Variants in BICC1 observed in about 807,000 individuals in gnomAD.
The protein encoded by BICC1 is BicC family RNA binding protein 1, also known as protein bicaudal C homolog 1.
In BICC1, 43 loss-of-function variants were observed where a neutral mutation model predicts 111.0. The observed-to-expected ratio is 0.39, with a 90% CI of 0.30 to 0.50. The LOEUF (loss-of-function observed/expected upper bound fraction) is 0.50, where lower values mean the gene tolerates loss of function less well. Among genes scored for constraint, BICC1 ranks in the 20% least tolerant of loss-of-function variants. The pLI is 0.88. For missense variants in BICC1, 1,091 were observed against 1,203.2 expected, an observed-to-expected ratio of 0.91 and a Z score of 1.38; for synonymous variants, 467 against 434.4, an observed-to-expected ratio of 1.07 and a Z score of -0.93.
chr10:58,664,547 T>C (rs1276372323), intron 2 of BICC1, among the ~76,000 whole-genome samples: 1 of 152,170 alleles, frequency 6.6e-6, no homozygotes, highest in Non-Finnish European at 1.5e-5. Flanking sequence ...AATTTCCCTT[T>C]CTATACAGAC....
chr10:58,756,558 A>C (rs949548471), intron 3 of BICC1, among the ~76,000 whole-genome samples: 3 of 149,274 alleles, frequency 2.0e-5, no homozygotes, highest in African/African-American at 5.0e-5. Context: ...TCCCACCCTA[A>C]GGGTTTTCCA....
chr10:58,572,035 AGT>A (rs1383535566), intron 1 of BICC1, among the ~76,000 whole-genome samples: 1 of 152,108 alleles, frequency 6.6e-6, no homozygotes, highest in African/African-American at 2.4e-5. Context: ...TGTTTTGACT[AGT>A]GTGAGATGAT....
intron 2 of BICC1, among the ~76,000 whole-genome samples, chr10:58,647,730 G>A (rs1838312777): frequency 6.6e-6 from 1 of 151,764 alleles, no homozygotes; most frequent in South Asian, 2.1e-4. Context: ...GAGCTACCCT[G>A]CACCATTGCA....
At chr10:58,529,785 A>C (rs1842634032) in intron 1 of BICC1, among the ~76,000 whole-genome samples, 1 of 151,876 alleles carries the variant, frequency 6.6e-6, no homozygotes, top group Non-Finnish European at 1.5e-5. Flanking sequence ...ACGTACACAG[A>C]AAGATCACCT....
chr10:58,513,666 T>G (rs1046692947), intron 1 of BICC1, among the ~76,000 whole-genome samples: 1 of 152,212 alleles, frequency 6.6e-6, no homozygotes, highest in South Asian at 2.1e-4. Context: ...GGCTGTGCCA[T>G]CCGGACCACT....
At chr10:58,514,746 C>G (rs1842196014) in intron 1 of BICC1, among the ~76,000 whole-genome samples, 1 of 152,020 alleles carries the variant, frequency 6.6e-6, no homozygotes, top group Non-Finnish European at 1.5e-5. Flanking sequence ...TCAAGTAAGA[C>G]CGTTATAAGA....
chr10:58,793,460 A>T, intron 8 of BICC1, 24 bp from the exon 9 acceptor site: 1 of 1,600,062 alleles, frequency 6.2e-7, no homozygotes, highest in Non-Finnish European at 8.5e-7. Flanking sequence ...TACCTCCTAC[A>T]CATTCTATTG....
chr10:58,533,382 C>G (rs943032976), intron 1 of BICC1, among the ~76,000 whole-genome samples: 1 of 151,798 alleles, frequency 6.6e-6, no homozygotes, highest in African/African-American at 2.4e-5. Flanking sequence ...GTTCCTAGGA[C>G]CCCCACTTTT....
intron 1 of BICC1, among the ~76,000 whole-genome samples, chr10:58,617,902 C>G (rs562068382): frequency 1.1e-3 from 171 of 152,366 alleles, no homozygotes; most frequent in Middle Eastern, 3.4e-3. Context: ...AAAAGCTTGG[C>G]TAAATGTACA....
rs963324033 is a variant in BICC1 at position 58,708,714 on chromosome 10, G to A, written c.307+6571G>A. Among the ~76,000 whole-genome samples the A allele has an allele frequency of 8.4e-3, 7 of 832 alleles. No homozygotes were observed. The Non-Finnish European group carries it at 0.15, about 17-fold the overall frequency. The allele number at this position is 832 out of a possible 152,430, so 0.5% of individuals were successfully genotyped here. A position where few individuals can be genotyped will look rare whatever the true frequency, so the allele number is the denominator to read the frequency against. On this transcript the variant is annotated intron_variant, in intron 3 of 20. Coordinates refer to ENST00000373886, the MANE Select transcript of BICC1 (RefSeq NM_001080512.3). ...GGGGTCTCTACTTGGCCTGTGCCAT[G>A]TTGCCTGCTTACTTACTGTGCACGT...
At chr10:58,583,152 A>G (rs1421896212) in intron 1 of BICC1, among the ~76,000 whole-genome samples, 1 of 152,122 alleles carries the variant, frequency 6.6e-6, no homozygotes, top group Non-Finnish European at 1.5e-5. Flanking sequence ...TGTTGATTCT[A>G]TCTTTGTCTT....
intron 2 of BICC1, among the ~76,000 whole-genome samples, chr10:58,633,217 C>T (rs1363659901): frequency 6.6e-6 from 1 of 152,208 alleles, no homozygotes; most frequent in Non-Finnish European, 1.5e-5. Flanking sequence ...ATTTGCCTTC[C>T]ACCACGATTG....
rs571260040 is a variant in BICC1, at chr10:58,521,707, A to G, written c.190+8374A>G. Among the ~76,000 whole-genome samples the G allele has an allele frequency of 6.8e-5, 10 of 146,962 alleles. No individual in the cohort carries two copies. The South Asian group carries it at 2.0e-3, about 29-fold the overall frequency. On this transcript the variant is annotated intron_variant, in intron 1 of 20. Coordinates refer to ENST00000373886, the MANE Select transcript of BICC1 (RefSeq NM_001080512.3). ...GTGAATTTTATCTTACCTGCTTAGC[A>G]TGTTTGTGGATCAGTATTTTTTAAA...
At chr10:58,589,241 G>A (rs996171257) in intron 1 of BICC1, among the ~76,000 whole-genome samples, 2 of 152,034 alleles carry the variant, frequency 1.3e-5, no homozygotes, top group Admixed American at 6.5e-5. Flanking sequence ...CCCTACCAGC[G>A]CCTCCGGGGA....
intron 1 of BICC1, among the ~76,000 whole-genome samples, chr10:58,593,967 A>G (rs1844723628): frequency 6.6e-6 from 1 of 151,992 alleles, no homozygotes; most frequent in Admixed American, 6.6e-5. Flanking sequence ...CAGGGAAGCT[A>G]AGAACCTTTA....
At chr10:58,594,792 C>T (rs1432888725) in intron 1 of BICC1, among the ~76,000 whole-genome samples, 8 of 152,132 alleles carry the variant, frequency 5.3e-5, no homozygotes, top group Admixed American at 6.5e-5. Context: ...TAAAGACCAT[C>T]GACAACATAA....
chr10:58,584,055 A>AACACACAC (rs140080926), intron 1 of BICC1, among the ~76,000 whole-genome samples: 139 of 147,960 alleles, frequency 9.4e-4, no homozygotes, highest in Middle Eastern at 6.9e-3. Context: ...GTAAACATGA[A>AACACACAC]ACACACACAC....
chr10:58,657,911 A>G (rs969494909), intron 2 of BICC1, among the ~76,000 whole-genome samples: 1 of 152,124 alleles, frequency 6.6e-6, no homozygotes, highest in African/African-American at 2.4e-5. Context: ...TTGTACAACT[A>G]TTTATTGTTA....
chr10:58,681,544 A>G (rs1839520649), intron 2 of BICC1, among the ~76,000 whole-genome samples: 1 of 152,194 alleles, frequency 6.6e-6, no homozygotes, highest in South Asian at 2.1e-4. Flanking sequence ...ATGGTTCTAT[A>G]CTGTTGGTGG....
Sources: allele counts gnomAD v4.1 joint callset (sites outside exome capture counted in the v4.1 genomes callset), GRCh38; gene constraint gnomAD v4.1.1; transcripts MANE v1.5; gene names NCBI Gene and HGNC (gene_info 2026-07-23, HGNC 2026-07-21).